The following SYK variants were observed in gnomAD, a reference collection of about 807,000 sequenced individuals.
SYK encodes tyrosine-protein kinase SYK.
SYK carries 16 observed loss-of-function variants against 77.8 expected under a neutral mutation model. The ratio of observed to expected loss-of-function variants is 0.21; its 90% CI spans 0.14 to 0.31. SYK has a LOEUF of 0.31. Among genes scored for constraint, SYK ranks in the 10% least tolerant of loss-of-function variants. The probability of loss-of-function intolerance (pLI) is 1.00; values close to 1 mark genes in which losing one functional copy is unlikely to be tolerated. For synonymous variants in SYK, 312 were observed against 308.7 expected (o/e 1.01, Z -0.11); for missense variants, 529 against 814.4 (o/e 0.65, Z 4.26).
chr9:90,845,942 A>G (rs903934499), intron 3 of SYK, among the ~76,000 whole-genome samples: 1 of 152,238 alleles, frequency 6.6e-6, no homozygotes, highest in Admixed American at 6.5e-5. Flanking sequence ...AAAATACTGC[A>G]GTTTTTTTAC....
intron 1 of SYK, among the ~76,000 whole-genome samples, chr9:90,803,433 T>A (rs1824688027): frequency 6.6e-6 from 1 of 152,160 alleles, no homozygotes; most frequent in Non-Finnish European, 1.5e-5. Flanking sequence ...TAAAATAGGA[T>A]TTTATAATAG....
intron 1 of SYK, among the ~76,000 whole-genome samples, chr9:90,815,568 C>T (rs1275112248): frequency 6.6e-6 from 1 of 152,214 alleles, no homozygotes; most frequent in Non-Finnish European, 1.5e-5. Context: ...GTGCTGCCCT[C>T]CTAGGGGAGC....
intron 3 of SYK, among the ~76,000 whole-genome samples, chr9:90,848,993 C>T (rs1044388657): frequency 1.3e-5 from 2 of 152,198 alleles, no homozygotes; most frequent in Non-Finnish European, 2.9e-5. Flanking sequence ...GTGGCAGGAG[C>T]GTGCCTGGGG....
At chr9:90,830,939 T>C (rs1825865905) in intron 1 of SYK, among the ~76,000 whole-genome samples, 1 of 152,188 alleles carries the variant, frequency 6.6e-6, no homozygotes, top group South Asian at 2.1e-4. Context: ...ACCCAAGTCT[T>C]GACAATTTTC....
chr9:90,831,097 A>G (rs290219), intron 1 of SYK, among the ~76,000 whole-genome samples: 16,085 of 152,214 alleles, frequency 0.11, 1,309 homozygotes, highest in East Asian at 0.45. Context: ...GGATTTGGCA[A>G]CAATTGTTTG....
At chr9:90,880,254 C>T (rs535292877) in intron 11 of SYK, among the ~76,000 whole-genome samples, 63 of 152,288 alleles carry the variant, frequency 4.1e-4, no homozygotes, top group Non-Finnish European at 7.9e-4. Flanking sequence ...CCTCGGCCAG[C>T]AAAGGGACTG....
At chr9:90,816,066 G>GT (rs1554704920) in intron 1 of SYK, among the ~76,000 whole-genome samples, 1 of 152,120 alleles carries the variant, frequency 6.6e-6, no homozygotes, top group African/African-American at 2.4e-5. Flanking sequence ...TTTTTTGTTT[G>GT]TTTGTTTTGT....
At chr9:90,825,896 A>C (rs992225262) in intron 1 of SYK, among the ~76,000 whole-genome samples, 1 of 152,232 alleles carries the variant, frequency 6.6e-6, no homozygotes, top group Non-Finnish European at 1.5e-5. Flanking sequence ...TTTCATCTTC[A>C]TAAATGGATG....
At chr9:90,882,031 A>G (rs962453141) in intron 11 of SYK, among the ~76,000 whole-genome samples, 8 of 152,242 alleles carry the variant, frequency 5.3e-5, no homozygotes, top group Non-Finnish European at 1.0e-4. Context: ...TCTACTATAC[A>G]TGGTTAGGTA....
intron 1 of SYK, among the ~76,000 whole-genome samples, chr9:90,802,540 A>G (rs976891440): frequency 3.3e-5 from 5 of 152,122 alleles, no homozygotes; most frequent in Non-Finnish European, 5.9e-5. Context: ...ATGTAGTAAA[A>G]TGTAAATTTG....
At chr9:90,886,557 T>A (rs1828586946) in intron 11 of SYK, among the ~76,000 whole-genome samples, 1 of 152,042 alleles carries the variant, frequency 6.6e-6, no homozygotes, top group Admixed American at 6.6e-5. Flanking sequence ...TACAAAAAAT[T>A]GGCCAGGCCT....
intron 13 of SYK, among the ~76,000 whole-genome samples, chr9:90,891,212 C>A (rs1020611436): frequency 1.4e-5 from 2 of 141,884 alleles, no homozygotes; most frequent in African/African-American, 5.3e-5. Context: ...GTGGCGCGAT[C>A]TGGGCTCACT....
At chr9:90,865,879 G>T (rs1385707604) in intron 6 of SYK, among the ~76,000 whole-genome samples, 2 of 139,148 alleles carry the variant, frequency 1.4e-5, no homozygotes, top group Admixed American at 7.3e-5. Flanking sequence ...TTTTCTTGGG[G>T]CTACATATGG....
Position 90,865,107 on chromosome 9 carries a change from A to C in SYK, c.846+10A>C, listed in dbSNP as rs1432257441. On this transcript the variant is annotated intron_variant, in intron 6 of 13. Transcript: ENST00000375754. The stretch of plus-strand genomic sequence containing the variant: ...AGGTTCCCATCCTGCGGTAAGTGTC[A>C]CTAGGAATACCACTGAATGAGAAGC... 4 of 1,613,122 alleles carry C rather than the reference A, an allele frequency of 2.5e-6. No individual in the cohort carries two copies. The highest frequency in any genetic ancestry group is 3.4e-6 in the Non-Finnish European group (4 of 1,179,082).
At chr9:90,864,763 G>A (rs1827412482) in intron 5 of SYK, 96 bp downstream of exon 5, 8 of 1,091,786 alleles carry the variant, frequency 7.3e-6, no homozygotes, top group Non-Finnish European at 9.7e-6. Context: ...GGTTGGATGA[G>A]GACTTCTTTT....
At position 90,877,736 on chromosome 9, in the gene SYK, G is replaced by A; in HGVS notation, c.1347G>A (p.Glu449=). The A allele has an allele frequency of 6.2e-7, 1 of 1,614,232 alleles. No homozygotes were observed. The highest frequency in any genetic ancestry group is 8.5e-7 in the Non-Finnish European group (1 of 1,180,030). The change falls in exon 10 of 14, where the codon GAG becomes GAA. Residue 449 remains glutamate (E), a synonymous_variant. Coordinates refer to ENST00000375754, the MANE Select transcript of SYK (RefSeq NM_003177.7). ...CCGAGTCCTGGATGCTGGTTATGGA[G>A]ATGGCAGAACTTGGTCCCCTCAATA... The part of the protein sequence containing the change: ...CEAESWMLVM[E]MAELGPLNKY...
chr9:90,825,195 A>T (rs572790753), intron 1 of SYK, among the ~76,000 whole-genome samples: 1 of 152,286 alleles, frequency 6.6e-6, no homozygotes, highest in East Asian at 1.9e-4. Context: ...GCAGAAAACT[A>T]CAAAATAATG....
Position 90,888,611 on chromosome 9 carries a change from C to G in SYK, c.1819C>G (p.Leu607Val). ...AAGAGAGATGTACGATCTCATGAAT[C>G]TGTGCTGGACATACGAGTGAGTACC... ...CPREMYDLMN[L>V]CWTYDVENRP... The change falls in exon 13 of 14, where the codon CTG becomes GTG. Residue 607 changes from leucine to valine, a missense_variant. By Grantham distance (32) the Leu-to-Val change is conservative (BLOSUM62 1). Coordinates refer to ENST00000375754, the MANE Select transcript of SYK (RefSeq NM_003177.7). The G allele has an allele frequency of 6.2e-7, 1 of 1,604,826 alleles. No individual in the cohort carries two copies. Among genetic ancestry groups the G allele is most frequent in the Non-Finnish European group, 8.5e-7 (1 of 1,175,986 alleles).
chr9:90,817,402 TC>T (rs1415837985), intron 1 of SYK, among the ~76,000 whole-genome samples: 3 of 152,186 alleles, frequency 2.0e-5, no homozygotes, highest in African/African-American at 7.2e-5. Flanking sequence ...CTTTGTTAAT[TC>T]CTATTTCATT....
Sources: gnomAD v4.1 joint callset for allele counts (sites outside exome capture counted in the v4.1 genomes callset) on GRCh38, gnomAD v4.1.1 for gene constraint, MANE v1.5 for transcripts, NCBI Gene and HGNC (gene_info 2026-07-23, HGNC 2026-07-21) for gene names.